Variants in S100Z observed in about 807,000 individuals in gnomAD.
The protein encoded by S100Z is S100 calcium binding protein Z.
S100Z carries 11 observed loss-of-function variants against 8.5 expected under a neutral mutation model. The ratio of observed to expected loss-of-function variants is 1.30; its 90% CI spans 0.82 to 2.15. S100Z has a LOEUF of 2.15. S100Z is among the 30% of genes most tolerant of loss of function. S100Z has a pLI of 0.00. For missense variants in S100Z, 126 were observed against 117.9 expected (o/e 1.07, Z -0.32); for synonymous variants, 34 against 43.8 (o/e 0.78, Z 0.89).
At chr5:76,868,089 G>A (rs1356335699) in intron 1 of S100Z, among the ~76,000 whole-genome samples, 1 of 152,178 alleles carries the variant, frequency 6.6e-6, no homozygotes, top group Non-Finnish European at 1.5e-5. Context: ...CATGTCACCC[G>A]TAAATTTGTG....
intron 1 of S100Z, among the ~76,000 whole-genome samples, chr5:76,868,587 T>C (rs10462547): frequency 0.6 from 90,729 of 150,128 alleles, 27,544 homozygotes; most frequent in East Asian, 0.67. Context: ...ACAACTTAAT[T>C]TGGAATTAAA....
At position 76,921,042 on chromosome 5, in the gene S100Z, G is replaced by A. The variant is rs920822225; in HGVS notation, c.*328G>A. The A allele has an allele frequency of 5.3e-5, 8 of 152,084 alleles. No homozygotes were observed. The highest frequency in any genetic ancestry group is 1.9e-4 in the African/African-American group (8 of 41,422). The allele number at this position is 152,084 out of a possible 1,614,324, so 9.4% of individuals were successfully genotyped here. A position where few individuals can be genotyped will look rare whatever the true frequency, so the allele number is the denominator to read the frequency against. On this transcript the variant is annotated 3_prime_UTR_variant, in exon 5 of 5. Coordinates refer to ENST00000317593, the MANE Select transcript of S100Z (RefSeq NM_130772.4). The stretch of plus-strand genomic sequence containing the variant: ...ATTTCTCATTAAAAAAGTAATATAA[G>A]TTTATTGTAGGGGGAAATAATCAAA...
At chr5:76,908,209 G>C (rs1744523945) in intron 4 of S100Z, among the ~76,000 whole-genome samples, 1 of 152,218 alleles carries the variant, frequency 6.6e-6, no homozygotes, top group Non-Finnish European at 1.5e-5. Flanking sequence ...CCTGGAACCA[G>C]TTTCTGCTTT....
At chr5:76,945,633 C>T in the S100Z span, among the ~76,000 whole-genome samples, 6 of 152,230 alleles carry the variant, frequency 3.9e-5, no homozygotes, top group Admixed American at 2.0e-4. Flanking sequence ...ATGTGCACAT[C>T]CAGGCATAGT....
intron 3 of S100Z, among the ~76,000 whole-genome samples, chr5:76,876,186 T>C (rs1580010794): frequency 6.6e-6 from 1 of 152,206 alleles, no homozygotes; most frequent in Non-Finnish European, 1.5e-5. Context: ...CCTCGTGTGA[T>C]GTTATTCTCT....
intron 1 of S100Z, among the ~76,000 whole-genome samples, chr5:76,859,859 G>A (rs1751005082): frequency 6.6e-6 from 1 of 151,364 alleles, no homozygotes; most frequent in Non-Finnish European, 1.5e-5. Flanking sequence ...TGTCTAGAAT[G>A]ATGCAACCAC....
Position 76,852,059 on chromosome 5 carries a change from T to TAA in S100Z, c.-176+1916_-176+1917dup, listed in dbSNP as rs200830665. Among the ~76,000 whole-genome samples, 200 of 145,368 alleles carry TAA rather than the reference T, an allele frequency of 1.4e-3. 1 individual carries two copies. Among genetic ancestry groups the TAA allele is most frequent in the African/African-American group, 4.6e-3 (186 of 40,334 alleles). On this transcript the variant is annotated intron_variant, in intron 1 of 4. Coordinates refer to ENST00000317593, the MANE Select transcript of S100Z (RefSeq NM_130772.4). Reference sequence around the variant, plus strand: ...AATTAAAATTTCTCACTTTTTCTTTTAAAAAAAAAAAAAGTGAAGTTCTGG... The same window carrying TAA: ...AATTAAAATTTCTCACTTTTTCTTTTAAAAAAAAAAAAAAAGTGAAGTTCTGG...
At chr5:76,894,892 AT>A (rs1033171203) in intron 4 of S100Z, among the ~76,000 whole-genome samples, 4 of 151,944 alleles carry the variant, frequency 2.6e-5, no homozygotes, top group Admixed American at 2.6e-4. Context: ...CCCACCCTAA[AT>A]TTTTTCTTTA....
intron 4 of S100Z, among the ~76,000 whole-genome samples, chr5:76,892,838 G>A (rs73764771): frequency 0.022 from 3,419 of 152,278 alleles, 130 homozygotes; most frequent in African/African-American, 0.074. Context: ...TAAACTTAGA[G>A]TAGAAGAAGC....
chr5:76,902,208 G>A (rs1031591148), intron 4 of S100Z, among the ~76,000 whole-genome samples: 1 of 152,154 alleles, frequency 6.6e-6, no homozygotes, highest in African/African-American at 2.4e-5. Context: ...CACTTCCTTG[G>A]CTGCCCCACG....
chr5:76,929,487 T>C, the S100Z span, among the ~76,000 whole-genome samples: 1 of 152,188 alleles, frequency 6.6e-6, no homozygotes, highest in African/African-American at 2.4e-5. Context: ...TGTTTCCAAA[T>C]TGATTGTGCC....
chr5:76,869,275 G>GT (rs1463996069), intron 1 of S100Z, among the ~76,000 whole-genome samples: 1 of 152,150 alleles, frequency 6.6e-6, no homozygotes, highest in Non-Finnish European at 1.5e-5. Flanking sequence ...GGAATGTATG[G>GT]TAAGTGCAAT....
rs1179166023 is a variant in S100Z, at chr5:76,850,035, T to A, written c.-296T>A. On this transcript the variant is annotated 5_prime_UTR_variant, in exon 1 of 5. Transcript: ENST00000317593. ...CCACGCAGACTCAGAACAGCACTAC[T>A]CACAGCAGGGCCTCTTGCTCGCTCT... 6.6e-6 allele frequency: 1 copy of A among 152,248 alleles called. No homozygotes were observed. The highest frequency in any genetic ancestry group is 6.5e-5 in the Admixed American group (1 of 15,276). 9.4% of individuals were successfully genotyped at this position (152,248 alleles called of 1,614,324 possible).
At chr5:76,935,504 T>G in the S100Z span, among the ~76,000 whole-genome samples, 1 of 152,320 alleles carries the variant, frequency 6.6e-6, no homozygotes, top group South Asian at 2.1e-4. Flanking sequence ...TTGCTCAGTC[T>G]GGCCTCATGT....
In S100Z at chr5:76,877,825, GA is replaced by G; in HGVS notation, c.297del (p.Lys99AsnfsTer6). ...DYFVEQLKKK[G>X]K Reference sequence around the variant, plus strand: ...TTTGTAGAACAATTGAAGAAGAAAGGAAAATAAAGGTAAGTAATAAGCTCAT... The same window carrying G: ...TTTGTAGAACAATTGAAGAAGAAAGGAAATAAAGGTAAGTAATAAGCTCAT... On this transcript the variant is annotated frameshift_variant, in exon 4 of 5. Coordinates refer to ENST00000317593, the MANE Select transcript of S100Z (RefSeq NM_130772.4). LOFTEE classifies it high-confidence loss of function. 6.2e-7 allele frequency: 1 copy of G among 1,611,040 alleles called. No individual in the cohort carries two copies. Among genetic ancestry groups the G allele is most frequent in the Non-Finnish European group, 8.5e-7 (1 of 1,177,392 alleles).
chr5:76,942,653 A>G, the S100Z span, among the ~76,000 whole-genome samples: 98,661 of 151,986 alleles, frequency 0.65, 32,248 homozygotes, highest in South Asian at 0.76. Flanking sequence ...GGTGTTTAGT[A>G]TCAGCTCTTC....
chr5:76,869,334 C>T (rs1014091264), intron 1 of S100Z, among the ~76,000 whole-genome samples: 4 of 151,708 alleles, frequency 2.6e-5, no homozygotes, highest in African/African-American at 9.7e-5. Flanking sequence ...ACAGAGAAGG[C>T]ACCTATCAGA....
chr5:76,855,262 G>A (rs919711067), intron 1 of S100Z, among the ~76,000 whole-genome samples: 2 of 152,172 alleles, frequency 1.3e-5, no homozygotes, highest in Non-Finnish European at 2.9e-5. Context: ...TGAGAAGAGG[G>A]CCATTGTCCT....
chr5:76,872,566 C>G (rs1001185635), intron 2 of S100Z, among the ~76,000 whole-genome samples: 3 of 150,756 alleles, frequency 2.0e-5, no homozygotes, highest in African/African-American at 7.3e-5. Context: ...GTGGCTGAAG[C>G]AGGAGGATCG....
Sources: allele counts gnomAD v4.1 joint callset (sites outside exome capture counted in the v4.1 genomes callset), GRCh38; gene constraint gnomAD v4.1.1; transcripts MANE v1.5; gene names NCBI Gene and HGNC (gene_info 2026-07-23, HGNC 2026-07-21).